ABCA13: variants seen among roughly 807,000 people sequenced by gnomAD.
The protein encoded by ABCA13 is ATP binding cassette subfamily A member 13, also known as ATP-binding cassette sub-family A member 13.
A neutral mutation model predicts 478.7 loss-of-function variants in ABCA13; 476 were observed. The observed-to-expected ratio is 0.99, with a 90% CI of 0.92 to 1.07. The LOEUF is 1.07. Ranked by LOEUF, ABCA13 falls within the 50% of genes least tolerant of loss-of-function variation. The probability of loss-of-function intolerance (pLI) is 0.00; values close to 1 mark genes in which losing one functional copy is unlikely to be tolerated. For missense variants in ABCA13, 6,060 were observed against 5,910.6 expected, an observed-to-expected ratio of 1.03 and a Z score of -0.83; for synonymous variants, 2,252 against 2,158.9, an observed-to-expected ratio of 1.04 and a Z score of -1.20.
intron 29 of ABCA13, among the ~76,000 whole-genome samples, chr7:48,345,476 T>TA (rs2128967978): frequency 6.6e-6 from 1 of 151,770 alleles, no homozygotes; most frequent in East Asian, 1.9e-4. Flanking sequence ...TGACCCTGTG[T>TA]AGGCCTAGGC....
At chr7:48,237,931 T>C (rs1458902740) in intron 8 of ABCA13, among the ~76,000 whole-genome samples, 1 of 152,238 alleles carries the variant, frequency 6.6e-6, no homozygotes, top group African/African-American at 2.4e-5. Context: ...GTATTGTTGA[T>C]TATTTTTAAT....
chr7:48,645,472 C>T lies in ABCA13; in HGVS notation c.15137C>T (p.Pro5046Leu), dbSNP rs764829168. The change falls in exon 62 of 62, where the codon CCA becomes CTA. Residue 5046 changes from proline to leucine, a missense_variant. Pro to Leu is a moderately conservative substitution (Grantham distance 98). Around this residue, in one of 3 missense-constraint regions of ABCA13, gnomAD observed 1,627 missense variants for 1,571.0 expected, o/e 1.04. Coordinates refer to ENST00000435803, the MANE Select transcript of ABCA13 (RefSeq NM_152701.5). ...CAAACTCTACAATCTACTCTTGATC[C>T]ATCCACTGACAGTCACCACACACAT... ...QQQTLQSTLD[P>L]STDSHHTHHL... is the part of the protein sequence containing the mutation. 6.3e-7 allele frequency: 1 copy of T among 1,589,532 alleles called. No individual in the cohort carries two copies. The highest frequency in any genetic ancestry group is 8.6e-7 in the Non-Finnish European group (1 of 1,166,842).
intron 20 of ABCA13, among the ~76,000 whole-genome samples, chr7:48,289,161 T>A (rs1798163352): frequency 6.6e-6 from 1 of 152,076 alleles, no homozygotes. Context: ...GAGCTGCTGA[T>A]CTCTAATCAA....
At chr7:48,615,104 T>G (rs1792434452) in intron 58 of ABCA13, among the ~76,000 whole-genome samples, 181 bp from the exon 59 acceptor site, 1 of 151,220 alleles carries the variant, frequency 6.6e-6, no homozygotes, top group South Asian at 2.1e-4. Flanking sequence ...TAAAATTGGC[T>G]GTCTAAATAA....
At chr7:48,562,261 C>T in intron 55 of ABCA13, among the ~76,000 whole-genome samples, 1 of 151,806 alleles carries the variant, frequency 6.6e-6, no homozygotes, top group Non-Finnish European at 1.5e-5. Context: ...ATTAAGACAC[C>T]TTCTAATGTT....
At chr7:48,187,099 T>C (rs1796462975) in intron 1 of ABCA13, among the ~76,000 whole-genome samples, 1 of 150,358 alleles carries the variant, frequency 6.7e-6, no homozygotes, top group Non-Finnish European at 1.5e-5. Flanking sequence ...TATATACATA[T>C]ATATTTGTAA....
At position 48,410,576 on chromosome 7, in the gene ABCA13, C is replaced by T. The variant is rs115926528; in HGVS notation, c.12127C>T (p.Arg4043Cys). ...HLDEAEALSD[R>C]VAVLQHGRLR... ...GGATGAAGCTGAAGCGCTGAGTGAC[C>T]GCGTGGCCGTCCTCCAGCATGGGAG... Residue 4043 changes from arginine (R) to cysteine (C), a missense_variant, in exon 40 of 62, where the codon CGC becomes TGC. By Grantham distance (180) the Arg-to-Cys change is radical. This residue lies in a region of ABCA13 where 1,627 missense variants were observed against 1,571.0 expected (regional missense o/e 1.04). Coordinates refer to ENST00000435803, the MANE Select transcript of ABCA13 (RefSeq NM_152701.5). 2.8e-3 allele frequency: 4,597 copies of T among 1,613,978 alleles called. 123 individuals carry two copies. In the African/African-American group the frequency reaches 0.052, roughly 18 times the overall value.
intron 31 of ABCA13, among the ~76,000 whole-genome samples, chr7:48,359,114 C>A (rs1220325647): frequency 6.6e-6 from 1 of 151,970 alleles, no homozygotes; most frequent in Non-Finnish European, 1.5e-5. Flanking sequence ...CTGCTGTCTG[C>A]CCAGTGCATT....
intron 54 of ABCA13, among the ~76,000 whole-genome samples, chr7:48,526,906 G>A (rs140705070): frequency 2.2e-4 from 33 of 152,144 alleles, no homozygotes; most frequent in African/African-American, 8.0e-4. Context: ...CCCAAGGCAG[G>A]GACTGTGATA....
intron 41 of ABCA13, among the ~76,000 whole-genome samples, chr7:48,421,466 G>A (rs4257961): frequency 0.38 from 57,967 of 152,038 alleles, 11,704 homozygotes; most frequent in African/African-American, 0.51. Context: ...TTACAATTCA[G>A]TAGGGTCATT....
At chr7:48,439,674 A>G (rs987534591) in intron 42 of ABCA13, among the ~76,000 whole-genome samples, 3 of 152,198 alleles carry the variant, frequency 2.0e-5, no homozygotes, top group African/African-American at 7.2e-5. Context: ...AGGCACAATC[A>G]TACTAAAGTG....
intron 48 of ABCA13, among the ~76,000 whole-genome samples, chr7:48,497,570 A>C (rs537949814): frequency 1.3e-5 from 2 of 152,286 alleles, no homozygotes; most frequent in African/African-American, 2.4e-5. Context: ...GAATCATATG[A>C]GAGCCACCTA....
At chr7:48,591,586 T>C (rs1269241717) in intron 57 of ABCA13, among the ~76,000 whole-genome samples, 3 of 152,004 alleles carry the variant, frequency 2.0e-5, no homozygotes, top group Non-Finnish European at 4.4e-5. Flanking sequence ...TTTAAAAATA[T>C]TAATTCTTTC....
intron 45 of ABCA13, among the ~76,000 whole-genome samples, chr7:48,479,266 C>T (rs1201598571): frequency 6.6e-6 from 1 of 151,712 alleles, no homozygotes; most frequent in Non-Finnish European, 1.5e-5. Flanking sequence ...GAGACAGAGT[C>T]TCGCTCTGTG....
intron 59 of ABCA13, among the ~76,000 whole-genome samples, chr7:48,625,980 C>T (rs879713248): frequency 3.3e-5 from 5 of 152,126 alleles, no homozygotes; most frequent in Non-Finnish European, 5.9e-5. Flanking sequence ...TCTCAATAAA[C>T]TCGGCATAGT....
chr7:48,415,086 A>G (rs17662082), intron 41 of ABCA13, among the ~76,000 whole-genome samples: 29,548 of 152,008 alleles, frequency 0.19, 3,230 homozygotes, highest in East Asian at 0.23. Context: ...AGGTTTACAG[A>G]CGTGCTGCTA....
At position 48,272,346 on chromosome 7, in the gene ABCA13, T is replaced by C; in HGVS notation, c.2680T>C (p.Leu894=). Residue 894 remains leucine (L), a synonymous_variant, in exon 17 of 62, where the codon TTA becomes CTA. Transcript: ENST00000435803. The part of the protein sequence containing the change: ...SPAMNIDFVR[L]SEAIITSLHE... ...AGCTATGAACATAGATTTTGTACGT[T>C]TAAGTGAGGCTATAATAACTAGTCT... 1 of 1,613,764 alleles carries C rather than the reference T, an allele frequency of 6.2e-7. No homozygotes were observed. The highest frequency in any genetic ancestry group is 8.5e-7 in the Non-Finnish European group (1 of 1,179,750).
intron 55 of ABCA13, among the ~76,000 whole-genome samples, chr7:48,554,086 T>C (rs546119993): frequency 6.9e-4 from 105 of 152,096 alleles, no homozygotes; most frequent in Non-Finnish European, 1.3e-3. Flanking sequence ...AAGACCATCT[T>C]CTTCTGAATG....
At chr7:48,433,849 A>T (rs10239702) in intron 42 of ABCA13, among the ~76,000 whole-genome samples, 45,225 of 151,920 alleles carry the variant, frequency 0.3, 6,809 homozygotes, top group East Asian at 0.38. Context: ...AGTGACAGAA[A>T]TTCATTCTTT....
Sources: gnomAD v4.1 joint callset for allele counts (sites outside exome capture counted in the v4.1 genomes callset) on GRCh38, gnomAD v4.1.1 for gene constraint, gnomAD v4.1.1 regional missense constraint, MANE v1.5 for transcripts, NCBI Gene and HGNC (gene_info 2026-07-23, HGNC 2026-07-21) for gene names.